The following NBAS variants were observed in gnomAD, a reference collection of about 807,000 sequenced individuals.
The protein encoded by NBAS is NAG/BC035112 fusion.
In NBAS, 219 loss-of-function variants were observed where a neutral mutation model predicts 302.5. The ratio of observed to expected loss-of-function variants is 0.72; its 90% CI spans 0.65 to 0.81. NBAS has a LOEUF of 0.81. Ranked by LOEUF, NBAS falls within the 30% of genes least tolerant of loss-of-function variation. NBAS has a pLI of 0.00. For synonymous variants in NBAS, 1,118 were observed against 1,021.6 expected, an observed-to-expected ratio of 1.09 and a Z score of -1.80; for missense variants, 2,932 against 2,841.6, an observed-to-expected ratio of 1.03 and a Z score of -0.72.
the NBAS span, among the ~76,000 whole-genome samples, chr2:14,958,721 T>C: frequency 1.3e-5 from 2 of 152,160 alleles, no homozygotes; most frequent in African/African-American, 4.8e-5. Flanking sequence ...CAAAAGTTGA[T>C]GATATGTAAA....
In NBAS at chr2:15,287,130, C is replaced by T. The variant is rs757665960; in HGVS notation, c.5081G>A (p.Ser1694Asn). 1.9e-6 allele frequency: 3 copies of T among 1,613,942 alleles called. No homozygotes were observed. Among genetic ancestry groups the T allele is most frequent in the African/African-American group, 1.3e-5 (1 of 74,930 alleles). ...SIAISLAQRY[S>N]VSRWEVFMTH... ...CATAAAAACTTCCCAGCGGGAGACA[C>T]TGTAACGTTGTGCCAGAGAAATAGC... Residue 1694 changes from serine to asparagine, a missense_variant, in exon 42 of 52, where the codon AGT becomes AAT. Transcript: ENST00000281513.
At chr2:15,351,884 ACACACACAC>A (rs2148298207) in intron 35 of NBAS, 99 bp downstream of exon 35, 1 of 707,434 alleles carries the variant, frequency 1.4e-6, no homozygotes. Context: ...ACACACACAC[ACACACACAC>A]ACACACACAC....
chr2:14,868,957 T>C, the NBAS span, among the ~76,000 whole-genome samples: 1 of 152,190 alleles, frequency 6.6e-6, no homozygotes, highest in African/African-American at 2.4e-5. Context: ...TGCACTTGGA[T>C]TATAAATCGT....
chr2:15,427,943 A>ATAGTATG, intron 21 of NBAS, 149 bp from the exon 22 acceptor site: 1 of 622,664 alleles, frequency 1.6e-6, no homozygotes, highest in Non-Finnish European at 2.8e-6. Context: ...TACATATTAT[A>ATAGTATG]TACATACTAT....
chr2:15,245,145 T>C (rs1668034613), intron 44 of NBAS, among the ~76,000 whole-genome samples: 1 of 152,104 alleles, frequency 6.6e-6, no homozygotes, highest in Non-Finnish European at 1.5e-5. Flanking sequence ...ACGCCTCTGC[T>C]CAAATCCGTG....
the NBAS span, among the ~76,000 whole-genome samples, chr2:14,804,839 G>T: frequency 5.9e-5 from 9 of 152,154 alleles, no homozygotes; most frequent in Admixed American, 5.9e-4. Context: ...ACTTGGAAAG[G>T]TTAGATAGTT....
intron 11 of NBAS, among the ~76,000 whole-genome samples, chr2:15,491,964 A>G (rs1680875474): frequency 6.6e-6 from 1 of 152,210 alleles, no homozygotes; most frequent in Non-Finnish European, 1.5e-5. Context: ...AGAAAGTTAA[A>G]CAATAAATTG....
the NBAS span, among the ~76,000 whole-genome samples, chr2:14,866,238 T>G: frequency 6.6e-6 from 1 of 152,274 alleles, no homozygotes; most frequent in Non-Finnish European, 1.5e-5. Flanking sequence ...GCTCTGCCCT[T>G]GCAATTAGTG....
At chr2:14,828,504 G>A in the NBAS span, among the ~76,000 whole-genome samples, 1 of 152,148 alleles carries the variant, frequency 6.6e-6, no homozygotes, top group Admixed American at 6.5e-5. Flanking sequence ...CCACATGAGA[G>A]GAATCTAGAT....
the NBAS span, among the ~76,000 whole-genome samples, chr2:14,786,350 T>A: frequency 1.3e-5 from 2 of 152,166 alleles, no homozygotes; most frequent in African/African-American, 4.8e-5. Context: ...TAGTTATTTC[T>A]TGCCTTCTGC....
At chr2:15,149,398 T>C in the NBAS span, among the ~76,000 whole-genome samples, 46,576 of 152,212 alleles carry the variant, frequency 0.31, 7,229 homozygotes, top group Middle Eastern at 0.36. Flanking sequence ...TATTCTGTTA[T>C]AGCAGCACAA....
chr2:14,800,731 T>C, the NBAS span, among the ~76,000 whole-genome samples: 1 of 151,918 alleles, frequency 6.6e-6, no homozygotes, highest in Non-Finnish European at 1.5e-5. Context: ...ATAAAGTCCA[T>C]AGTACATTGT....
At chr2:15,248,945 T>A (rs929001028) in intron 44 of NBAS, among the ~76,000 whole-genome samples, 1 of 152,152 alleles carries the variant, frequency 6.6e-6, no homozygotes, top group Non-Finnish European at 1.5e-5. Flanking sequence ...GAATCCTCCC[T>A]AACTCATTTT....
the NBAS span, among the ~76,000 whole-genome samples, chr2:14,781,504 A>T: frequency 1.1e-4 from 16 of 152,260 alleles, no homozygotes; most frequent in Middle Eastern, 3.4e-3. Flanking sequence ...ACAGCATGGC[A>T]GGTTCTGGTC....
chr2:15,355,915 C>T (rs982072457), intron 33 of NBAS, among the ~76,000 whole-genome samples: 2 of 151,942 alleles, frequency 1.3e-5, no homozygotes, highest in South Asian at 2.1e-4. Flanking sequence ...CGAAATAATA[C>T]ACTATCTTTA....
intron 48 of NBAS, among the ~76,000 whole-genome samples, chr2:15,192,870 G>T (rs1462151577): frequency 6.6e-6 from 1 of 152,028 alleles, no homozygotes; most frequent in South Asian, 2.1e-4. Flanking sequence ...CTTTATATGG[G>T]TTATTTTCTG....
chr2:14,809,459 G>A, the NBAS span, among the ~76,000 whole-genome samples: 1 of 152,216 alleles, frequency 6.6e-6, no homozygotes, highest in Non-Finnish European at 1.5e-5. Flanking sequence ...GAGGGTGCAA[G>A]CCCCAAACCT....
the NBAS span, among the ~76,000 whole-genome samples, chr2:15,131,499 T>A: frequency 2.0e-5 from 3 of 152,218 alleles, no homozygotes; most frequent in Non-Finnish European, 4.4e-5. Flanking sequence ...CAATCTACAA[T>A]GAAGTTCAAA....
chr2:15,481,950 G>A (rs1287682159), intron 12 of NBAS, among the ~76,000 whole-genome samples: 2 of 152,156 alleles, frequency 1.3e-5, no homozygotes, highest in Non-Finnish European at 1.5e-5. Context: ...GAGGGCTCCT[G>A]CCTCACAGTA....
Sources: gnomAD v4.1 joint callset for allele counts (sites outside exome capture counted in the v4.1 genomes callset) on GRCh38, gnomAD v4.1.1 for gene constraint, MANE v1.5 for transcripts, NCBI Gene and HGNC (gene_info 2026-07-23, HGNC 2026-07-21) for gene names.